Variants in CLIC6 observed in about 807,000 individuals in gnomAD.
CLIC6 encodes chloride intracellular channel protein 6.
A neutral mutation model predicts 49.2 loss-of-function variants in CLIC6; 39 were observed. That is an observed-to-expected ratio of 0.79 (90% CI 0.61 to 1.04). The LOEUF (loss-of-function observed/expected upper bound fraction) is 1.04. Among genes scored for constraint, CLIC6 ranks in the 50% least tolerant of loss-of-function variants. The probability of loss-of-function intolerance (pLI) is 0.00; values close to 1 mark genes in which losing one functional copy is unlikely to be tolerated. For synonymous variants in CLIC6, 446 were observed against 433.4 expected, an observed-to-expected ratio of 1.03 and a Z score of -0.36; for missense variants, 988 against 993.1, an observed-to-expected ratio of 0.99 and a Z score of 0.07.
At chr21:34,689,578 G>C (rs562569059) in intron 1 of CLIC6, among the ~76,000 whole-genome samples, 1 of 151,688 alleles carries the variant, frequency 6.6e-6, no homozygotes, top group African/African-American at 2.4e-5. Context: ...CTCGTTTGGT[G>C]AGTTAAGGGA....
At chr21:34,697,431 C>T (rs1990108067) in intron 1 of CLIC6, among the ~76,000 whole-genome samples, 2 of 152,160 alleles carry the variant, frequency 1.3e-5, no homozygotes, top group African/African-American at 4.8e-5. Flanking sequence ...CTCCCCTTCC[C>T]TTCTCTTCTC....
At chr21:34,711,278 T>C (rs1047213064) in intron 5 of CLIC6, among the ~76,000 whole-genome samples, 3 of 152,124 alleles carry the variant, frequency 2.0e-5, no homozygotes, top group African/African-American at 7.2e-5. Context: ...ATGCCTGTAA[T>C]CCCAGCACTT....
Position 34,707,338 on chromosome 21 carries a change from T to G in CLIC6, c.1433T>G (p.Ile478Ser). 1 of 1,613,994 alleles carries G rather than the reference T, an allele frequency of 6.2e-7. No homozygotes were observed. The highest frequency in any genetic ancestry group is 8.5e-7 in the Non-Finnish European group (1 of 1,179,996). The part of the protein sequence containing the change: ...NCPFSQRLFM[I>S]LWLKGVIFNV... ...CCGTTTTCTCAGCGTCTCTTTATGA[T>G]TCTCTGGCTGAAAGGCGTTATATTT... Residue 478 changes from isoleucine to serine, a missense_variant, in exon 2 of 6, where the codon ATT becomes AGT. Transcript: ENST00000349499.
intron 1 of CLIC6, among the ~76,000 whole-genome samples, chr21:34,681,351 G>A (rs1989777369): frequency 6.6e-6 from 1 of 152,184 alleles, no homozygotes; most frequent in Admixed American, 6.5e-5. Context: ...CTTTACACAT[G>A]GTGATTATTA....
chr21:34,716,862 T>TCTCTCTCTCTCTCACACACACA lies in CLIC6; in HGVS notation c.*381_*382insTCTCTCTCTCTCACACACACAC. 3 of 131,634 alleles carry TCTCTCTCTCTCTCACACACACA rather than the reference T, an allele frequency of 2.3e-5. No individual in the cohort carries two copies. The highest frequency in any genetic ancestry group is 9.6e-5 in the African/African-American group (3 of 31,214). 8.2% of individuals were successfully genotyped at this position (131,634 alleles called of 1,614,324 possible). On this transcript the variant is annotated 3_prime_UTR_variant, in exon 6 of 6. Coordinates refer to ENST00000349499, the MANE Select transcript of CLIC6 (RefSeq NM_053277.3). ...CTCTCTCTCTCTCTCTCTCTCTCTA[T>TCTCTCTCTCTCTCACACACACA]CACACACACACACACACACACACAC...
intron 1 of CLIC6, among the ~76,000 whole-genome samples, chr21:34,692,681 C>T (rs1372036511): frequency 6.6e-6 from 1 of 152,180 alleles, no homozygotes; most frequent in East Asian, 1.9e-4. Flanking sequence ...TGAAACTGAC[C>T]TGAGTATGTT....
In CLIC6 at chr21:34,709,431, G is replaced by C; in HGVS notation, c.1792G>C (p.Asp598His). ...YLNSPLPDEI[D>H]AYSTEDVTVS... ...AAATAGCCCTCTGCCTGATGAAATA[G>C]ATGCCTACAGCACCGAGGATGTCAC... The change falls in exon 5 of 6, where the codon GAT becomes CAT. Residue 598 changes from aspartate to histidine, a missense_variant. Asp to His is a moderately conservative substitution (Grantham distance 81). Around this residue, in one of 3 missense-constraint regions of CLIC6, gnomAD observed 647 missense variants for 596.9 expected, o/e 1.08. Transcript: ENST00000349499. 1.2e-6 allele frequency: 2 copies of C among 1,614,050 alleles called. No individual in the cohort carries two copies. The highest frequency in any genetic ancestry group is 1.1e-5 in the South Asian group (1 of 91,078).
chr21:34,714,110 G>A (rs1271396396), intron 5 of CLIC6, among the ~76,000 whole-genome samples: 1 of 152,154 alleles, frequency 6.6e-6, no homozygotes, highest in African/African-American at 2.4e-5. Context: ...ACATAAAATT[G>A]TTCTATGATG....
At position 34,670,135 on chromosome 21, in the gene CLIC6, C is replaced by T. The variant is rs1412781991; in HGVS notation, c.747C>T (p.Ser249=). The T allele has an allele frequency of 6.6e-6, 9 of 1,361,048 alleles. No individual in the cohort carries two copies. Among genetic ancestry groups the T allele is most frequent in the Middle Eastern group, 2.7e-4 (1 of 3,646 alleles). The allele number at this position is 1,361,048 out of a possible 1,614,324, so 84.3% of individuals were successfully genotyped here. ...ACGCGGAGGGCCGGGTGGGGGACAG[C>T]GTAGAGGCGGGGGACCCGGCGGGGG... ...SVDAEGRVGD[S]VEAGDPAGDG... Residue 249 remains serine, a synonymous_variant, in exon 1 of 6, where the codon AGC becomes AGT. Transcript: ENST00000349499.
chr21:34,711,102 G>A (rs1362800524), intron 5 of CLIC6, among the ~76,000 whole-genome samples: 5 of 152,178 alleles, frequency 3.3e-5, no homozygotes, highest in African/African-American at 1.2e-4. Flanking sequence ...CTGGCTCTGG[G>A]GCATTTTTAT....
Position 34,717,764 on chromosome 21 carries a change from G to T in CLIC6, c.*1282G>T, listed in dbSNP as rs1207996825. The T allele has an allele frequency of 1.3e-5, 2 of 152,204 alleles. No homozygotes were observed. Among genetic ancestry groups the T allele is most frequent in the African/African-American group, 2.4e-5 (1 of 41,446 alleles). 9.4% of individuals were successfully genotyped at this position (152,204 alleles called of 1,614,324 possible). A position where few individuals can be genotyped will look rare whatever the true frequency, so the allele number is the denominator to read the frequency against. On this transcript the variant is annotated 3_prime_UTR_variant, in exon 6 of 6. Transcript: ENST00000349499. ...CATCTTACAGAAAACCCTCCTTGTAGAGTTGGTTGTGGTATGTGTTTGATG... is the reference window on the plus strand; with the variant it reads ...CATCTTACAGAAAACCCTCCTTGTATAGTTGGTTGTGGTATGTGTTTGATG...
chr21:34,716,862 T>TCTCTCTCTCACACACACACA lies in CLIC6; in HGVS notation c.*381_*382insTCTCTCTCACACACACACAC. 18 of 131,634 alleles carry TCTCTCTCTCACACACACACA rather than the reference T, an allele frequency of 1.4e-4. No individual in the cohort carries two copies. The highest frequency in any genetic ancestry group is 5.8e-4 in the African/African-American group (18 of 31,214). 8.2% of individuals were successfully genotyped at this position (131,634 alleles called of 1,614,324 possible). On this transcript the variant is annotated 3_prime_UTR_variant, in exon 6 of 6. Transcript: ENST00000349499. Reference sequence around the variant, plus strand: ...CTCTCTCTCTCTCTCTCTCTCTCTATCACACACACACACACACACACACAC... The same window carrying TCTCTCTCTCACACACACACA: ...CTCTCTCTCTCTCTCTCTCTCTCTATCTCTCTCTCACACACACACACACACACACACACACACACACACAC...
chr21:34,693,895 G>A (rs1990042576), intron 1 of CLIC6, among the ~76,000 whole-genome samples: 1 of 152,144 alleles, frequency 6.6e-6, no homozygotes. Flanking sequence ...TTGGATCATG[G>A]AGAGAACTCC....
In CLIC6 at chr21:34,669,240, G is replaced by C. The variant is rs1989470867; in HGVS notation, c.-149G>C. The C allele has an allele frequency of 3.3e-6, 2 of 608,886 alleles. No individual in the cohort carries two copies. The highest frequency in any genetic ancestry group is 3.8e-5 in the African/African-American group (2 of 52,512). 37.7% of individuals were successfully genotyped at this position (608,886 alleles called of 1,614,324 possible). Reference sequence around the variant, plus strand: ...CCTGCGGGTCCTGCGCAAGGCCCCAGTGCCCCGGCTAAACCTTTGCCGCAG... The same window carrying C: ...CCTGCGGGTCCTGCGCAAGGCCCCACTGCCCCGGCTAAACCTTTGCCGCAG... On this transcript the variant is annotated 5_prime_UTR_variant, in exon 1 of 6. Coordinates refer to ENST00000349499, the MANE Select transcript of CLIC6 (RefSeq NM_053277.3).
chr21:34,698,115 G>A (rs1240421830), intron 1 of CLIC6, among the ~76,000 whole-genome samples: 1 of 152,218 alleles, frequency 6.6e-6, no homozygotes, highest in East Asian at 1.9e-4. Context: ...GTCTCTGTAG[G>A]AGCTGCCTGT....
At position 34,704,198 on chromosome 21, in the gene CLIC6, G is replaced by A. The variant is rs555984331; in HGVS notation, c.1375-3082G>A. 6.6e-5 allele frequency among the ~76,000 whole-genome samples: 10 copies of A among 152,200 alleles called. No homozygotes were observed. In the South Asian group the frequency reaches 2.1e-3, roughly 32 times the overall value. On this transcript the variant is annotated intron_variant, in intron 1 of 5. Coordinates refer to ENST00000349499, the MANE Select transcript of CLIC6 (RefSeq NM_053277.3). ...TATGTCTTTATCCCATCATCTTGTC[G>A]GGCTAATGAATATGACCAAGGCCAT...
chr21:34,696,752 A>G (rs2154447), intron 1 of CLIC6, among the ~76,000 whole-genome samples: 58,972 of 151,906 alleles, frequency 0.39, 12,568 homozygotes, highest in African/African-American at 0.57. Context: ...TTGCAACATA[A>G]CCATTTTGCT....
rs908793991 is a variant in CLIC6 at position 34,717,596 on chromosome 21, C to G, written c.*1114C>G. The G allele has an allele frequency of 6.6e-6, 1 of 152,228 alleles. No homozygotes were observed. Among genetic ancestry groups the G allele is most frequent in the Non-Finnish European group, 1.5e-5 (1 of 68,062 alleles). 9.4% of individuals were successfully genotyped at this position (152,228 alleles called of 1,614,324 possible). Reference sequence around the variant, plus strand: ...TGCCTCCACCATCCCTAACCAACCTCTCATCACAGCTTTGTGTGTGGGCTG... The same window carrying G: ...TGCCTCCACCATCCCTAACCAACCTGTCATCACAGCTTTGTGTGTGGGCTG... On this transcript the variant is annotated 3_prime_UTR_variant, in exon 6 of 6. Coordinates refer to ENST00000349499, the MANE Select transcript of CLIC6 (RefSeq NM_053277.3).
Position 34,709,416 on chromosome 21 carries a change from C to G in CLIC6, c.1777C>G (p.Leu593Val), listed in dbSNP as rs772477580. The change falls in exon 5 of 6, where the codon CTG (leucine) becomes GTG (valine). Residue 593 changes from leucine to valine, a missense_variant. Leu to Val is a conservative substitution (Grantham distance 32). This residue lies in a region of CLIC6 where 647 missense variants were observed against 596.9 expected (regional missense o/e 1.08). Coordinates refer to ENST00000349499, the MANE Select transcript of CLIC6 (RefSeq NM_053277.3). Reference protein sequence around the residue: ...RKLDNYLNSPLPDEIDAYSTE... With the variant: ...RKLDNYLNSPVPDEIDAYSTE... ...GCTGGATAATTACTTAAATAGCCCT[C>G]TGCCTGATGAAATAGATGCCTACAG... The G allele has an allele frequency of 6.2e-7, 1 of 1,614,114 alleles. No homozygotes were observed. The highest frequency in any genetic ancestry group is 2.2e-5 in the East Asian group (1 of 44,890).
Sources: gnomAD v4.1 joint callset for allele counts (sites outside exome capture counted in the v4.1 genomes callset) on GRCh38, gnomAD v4.1.1 for gene constraint, gnomAD v4.1.1 regional missense constraint, MANE v1.5 for transcripts, NCBI Gene and HGNC (gene_info 2026-07-23, HGNC 2026-07-21) for gene names.